The following ITGA7 variants were observed in gnomAD, a reference collection of about 807,000 sequenced individuals.
ITGA7 encodes the protein integrin alpha-7.
Under a neutral mutation model 131.6 loss-of-function variants are expected in ITGA7, and 84 were observed. That is an observed-to-expected ratio of 0.64 (90% confidence interval 0.54 to 0.77). ITGA7 has a LOEUF of 0.77. Ranked by LOEUF, ITGA7 falls within the 30% of genes least tolerant of loss-of-function variation. The probability of loss-of-function intolerance (pLI) is 0.00; values close to 1 mark genes in which losing one functional copy is unlikely to be tolerated. For synonymous variants in ITGA7, 548 were observed against 600.7 expected, an observed-to-expected ratio of 0.91 and a Z score of 1.28; for missense variants, 1,399 against 1,482.9, an observed-to-expected ratio of 0.94 and a Z score of 0.93.
upstream of ITGA7, chr12:55,712,129 G>C (rs1223181382): frequency 6.4e-7 from 1 of 1,551,514 alleles, no homozygotes. Flanking sequence ...TGAACCATGG[G>C]AGTGGCTGGG....
At position 55,700,404 on chromosome 12, in the gene ITGA7, A is replaced by AC. The variant is rs1474734283; in HGVS notation, c.671-416_671-415insG. 6.9e-6 allele frequency: 11 copies of AC among 1,598,990 alleles called. No homozygotes were observed. In the African/African-American group the frequency reaches 1.5e-4, roughly 22 times the overall value. On this transcript the variant is annotated intron_variant, in intron 4 of 24. Transcript: ENST00000257879. ...CCACCCTGGCCGTGCCTGCAAGGAC[A>AC]GACCTGTTAGTGCCCAGGGCAGGGC...
At chr12:55,697,591 G>A (rs1192853684) in intron 9 of ITGA7, 45 bp from the exon 10 acceptor site, 4 of 1,608,738 alleles carry the variant, frequency 2.5e-6, no homozygotes, top group East Asian at 2.2e-5. Context: ...AGAACATGAG[G>A]CTGGGAAACA....
Position 55,696,399 on chromosome 12 carries a change from C to T in ITGA7, c.1771G>A (p.Val591Met), listed in dbSNP as rs774213412. Residue 591 changes from valine to methionine, a missense_variant, in exon 13 of 25, where the codon GTG becomes ATG. Val to Met is a conservative substitution (Grantham distance 21). Transcript: ENST00000257879. ...GTCTGGAGACTGTAGGACAAGGTCA[C>T]TACAATGGCCCGAAGCTTGTCTTTG... ...NVKDKLRAIV[V>M]TLSYSLQTPR... 27 of 1,601,116 alleles carry T rather than the reference C, an allele frequency of 1.7e-5. No individual in the cohort carries two copies. Among genetic ancestry groups the T allele is most frequent in the Non-Finnish European group, 2.2e-5 (26 of 1,172,784 alleles).
intron 4 of ITGA7, 43 bp downstream of exon 4, chr12:55,700,856 G>C: frequency 6.2e-7 from 1 of 1,613,694 alleles, no homozygotes; most frequent in Non-Finnish European, 8.5e-7. Context: ...TGAGGTAAGA[G>C]GAGGTTTTGG....
In ITGA7 at chr12:55,694,511, G is replaced by A; in HGVS notation, c.2289C>T (p.Tyr763=). 1.9e-6 allele frequency: 3 copies of A among 1,614,180 alleles called. No homozygotes were observed. The highest frequency in any genetic ancestry group is 8.5e-7 in the Non-Finnish European group (1 of 1,180,008). ...PMKRGAQVTF[Y]LILSTSGISI... is the part of the protein sequence containing the mutation. The stretch of plus-strand genomic sequence containing the variant: ...TGATCCCGGAGGTGCTAAGGATGAG[G>A]TAGAAGGTGACCTAGGCCAAGGGTG... Residue 763 remains tyrosine, a synonymous_variant, in exon 17 of 25, where the codon TAC becomes TAT. Coordinates refer to ENST00000257879, the MANE Select transcript of ITGA7 (RefSeq NM_002206.3). This position sits in a 1 kb window ranked among gnomAD's most constrained non-coding sequence, Gnocchi z 5.3.
rs879008268 is a variant in ITGA7, at chr12:55,698,563, T to C, written c.1012A>G (p.Ile338Val). ...TCAAAGAAGTAGGGGGCACCCACTATCAGGTCTGGCCAGCTATGGAGAGAG... is the reference window on the plus strand; with the variant it reads ...TCAAAGAAGTAGGGGGCACCCACTACCAGGTCTGGCCAGCTATGGAGAGAG... The part of the protein sequence containing the change: ...DLNSDGWPDL[I>V]VGAPYFFERQ... Residue 338 changes from isoleucine to valine, a missense_variant, in exon 7 of 25, where the codon ATA becomes GTA. By Grantham distance (29) the Ile-to-Val change is conservative (BLOSUM62 3). Transcript: ENST00000257879. 5 of 1,614,058 alleles carry C rather than the reference T, an allele frequency of 3.1e-6. No individual in the cohort carries two copies. The South Asian group carries it at 4.4e-5, about 14-fold the overall frequency.
chr12:55,701,378 C>T lies in ITGA7; in HGVS notation c.415-224G>A, dbSNP rs181280953. 54 of 1,552,098 alleles carry T rather than the reference C, an allele frequency of 3.5e-5. 2 individuals carry two copies. In the South Asian group the frequency reaches 3.9e-4, roughly 11 times the overall value. On this transcript the variant is annotated intron_variant, in intron 3 of 24. Transcript: ENST00000257879. ...TAACCCAGCAACCTGTCTGCACCCA[C>T]TTCCTTGCCCTCAAATGGAGATCTC...
chr12:55,715,124 G>C (rs568044783), upstream of ITGA7, among the ~76,000 whole-genome samples: 130 of 152,290 alleles, frequency 8.5e-4, no homozygotes, highest in African/African-American at 3.0e-3. Context: ...CTCCCAAAGT[G>C]CTGGGATTAC....
chr12:55,712,524 A>G, upstream of ITGA7: 1 of 541,404 alleles, frequency 1.8e-6, no homozygotes, highest in Non-Finnish European at 3.3e-6. Flanking sequence ...AGACCTCAAA[A>G]GAAGAGGGAA....
In ITGA7 at chr12:55,694,954, T is replaced by A; in HGVS notation, c.2020A>T (p.Thr674Ser). ...QPLPMDVDGT[T>S]ALFALSGQPV... is the part of the protein sequence containing the mutation. ...TGCCCACTCAGTGCAAACAGGGCTG[T>A]TGTTCCATCCACATCCCTGGAGAGT... The change falls in exon 15 of 25, where the codon ACA (threonine) becomes TCA (serine). Residue 674 changes from threonine to serine, a missense_variant. Coordinates refer to ENST00000257879, the MANE Select transcript of ITGA7 (RefSeq NM_002206.3). This position sits in a 1 kb window ranked among gnomAD's most constrained non-coding sequence, Gnocchi z 5.3. The A allele has an allele frequency of 6.2e-7, 1 of 1,613,584 alleles. No individual in the cohort carries two copies. Among genetic ancestry groups the A allele is most frequent in the Non-Finnish European group, 8.5e-7 (1 of 1,179,968 alleles).
intron 21 of ITGA7, 92 bp from the exon 22 acceptor site, chr12:55,689,049 C>T (rs1323144023): frequency 1.2e-5 from 11 of 935,450 alleles, no homozygotes; most frequent in Non-Finnish European, 1.9e-5. Flanking sequence ...ACCTCAAACT[C>T]CCCTCCTCCA....
intron 22 of ITGA7, 107 bp downstream of exon 22, chr12:55,688,733 AAAAG>A: frequency 2.4e-6 from 2 of 824,432 alleles, no homozygotes; most frequent in Non-Finnish European, 4.0e-6. Context: ...AAAAAAAAAA[AAAAG>A]GGGGGGGATG....
chr12:55,703,155 G>A lies in ITGA7; in HGVS notation c.230C>T (p.Ala77Val). The A allele has an allele frequency of 6.2e-7, 1 of 1,611,554 alleles. No homozygotes were observed. Among genetic ancestry groups the A allele is most frequent in the Non-Finnish European group, 8.5e-7 (1 of 1,179,976 alleles). ...QSWLLVGAPQ[A>V]LALPGQQANR... ...CGCCTGCTGCCCAGGAAGAGCCAGG[G>A]CCTGGGGAGCACCCACCAGCAGCCT... The change falls in exon 2 of 25, where the codon GCC becomes GTC. Residue 77 changes from alanine (A) to valine (V), a missense_variant. Physicochemically the swap from Ala to Val is moderately conservative, Grantham distance 64. Coordinates refer to ENST00000257879, the MANE Select transcript of ITGA7 (RefSeq NM_002206.3).
intron 1 of ITGA7, among the ~76,000 whole-genome samples, chr12:55,704,254 C>G (rs17117895): frequency 6.6e-6 from 1 of 152,208 alleles, no homozygotes; most frequent in African/African-American, 2.4e-5. Flanking sequence ...GGCAGTATTA[C>G]AGACAGGCAT....
chr12:55,704,913 C>A (rs1240286857), intron 1 of ITGA7, among the ~76,000 whole-genome samples: 2 of 152,186 alleles, frequency 1.3e-5, no homozygotes, highest in Admixed American at 6.5e-5. Flanking sequence ...GTCAGCAGTA[C>A]CCCCAGCCTC....
intron 21 of ITGA7, among the ~76,000 whole-genome samples, chr12:55,689,603 C>T (rs1290884145): frequency 6.6e-6 from 1 of 152,212 alleles, no homozygotes; most frequent in African/African-American, 2.4e-5. Context: ...ATATTCATCA[C>T]ACCACGATCC....
chr12:55,693,394 G>C, intron 19 of ITGA7, 77 bp from the exon 20 acceptor site: 1 of 1,295,560 alleles, frequency 7.7e-7, no homozygotes, highest in Non-Finnish European at 1.1e-6. Flanking sequence ...TGTAGAGACA[G>C]GATCTATGTT....
upstream of ITGA7, among the ~76,000 whole-genome samples, chr12:55,712,980 C>G (rs928447370): frequency 2.0e-5 from 3 of 152,098 alleles, no homozygotes; most frequent in Admixed American, 1.3e-4. Flanking sequence ...GCCTGACACT[C>G]TCCCTGAGTT....
rs574669425 is a variant in ITGA7 at position 55,699,384 on chromosome 12, A to G, written c.791-467T>C. ...CTCCCTCATCCTGGCAGGGAGGGGA[A>G]GTCTTCACATGGATGAGGGGGAGAC... On this transcript the variant is annotated intron_variant, in intron 5 of 24. Coordinates refer to ENST00000257879, the MANE Select transcript of ITGA7 (RefSeq NM_002206.3). 5 of 285,068 alleles carry G rather than the reference A, an allele frequency of 1.8e-5. No homozygotes were observed. The East Asian group carries it at 4.7e-4, about 27-fold the overall frequency. 17.7% of individuals were successfully genotyped at this position (285,068 alleles called of 1,614,324 possible). A position where few individuals can be genotyped will look rare whatever the true frequency, so the allele number is the denominator to read the frequency against.
Sources: allele counts gnomAD v4.1 joint callset (sites outside exome capture counted in the v4.1 genomes callset), GRCh38; gene constraint gnomAD v4.1.1; non-coding constraint Gnocchi (gnomAD v3.1); transcripts MANE v1.5; gene names NCBI Gene and HGNC (gene_info 2026-07-23, HGNC 2026-07-21).